Variants in EXOC6B observed in about 807,000 individuals in gnomAD.
EXOC6B encodes the protein exocyst complex component 6B, also known as SEC15 homolog B.
A neutral mutation model predicts 113.5 loss-of-function variants in EXOC6B; 54 were observed. That is an observed-to-expected ratio of 0.48 (90% CI 0.38 to 0.60). The LOEUF is 0.60. EXOC6B is among the 20% of genes least tolerant of loss of function. The pLI is 0.00. For synonymous variants in EXOC6B, 357 were observed against 339.0 expected (o/e 1.05, Z -0.58); for missense variants, 797 against 977.5 (o/e 0.82, Z 2.46).
chr2:72,199,618 C>A (rs1294770842), intron 20 of EXOC6B, among the ~76,000 whole-genome samples: 1 of 152,184 alleles, frequency 6.6e-6, no homozygotes, highest in Admixed American at 6.5e-5. Context: ...CATTCCCCAT[C>A]ACCATGAATA....
intron 6 of EXOC6B, among the ~76,000 whole-genome samples, chr2:72,708,896 A>ATTTTTTTTTTTTTTTTTTT (rs1159794341): frequency 1.4e-5 from 1 of 69,790 alleles, no homozygotes; most frequent in Non-Finnish European, 2.5e-5. Flanking sequence ...CATCCAGCTA[A>ATTTTTTTTTTTTTTTTTTT]TTTTTTTTTT....
chr2:72,693,095 G>T (rs1289028811), intron 6 of EXOC6B, among the ~76,000 whole-genome samples: 1 of 152,080 alleles, frequency 6.6e-6, no homozygotes, highest in African/African-American at 2.4e-5. Context: ...CTCAAAAATG[G>T]TAGGCAAACA....
intron 18 of EXOC6B, among the ~76,000 whole-genome samples, chr2:72,437,856 T>G (rs1282598411): frequency 6.6e-6 from 1 of 152,184 alleles, no homozygotes; most frequent in Non-Finnish European, 1.5e-5. Flanking sequence ...GTAAATCTAT[T>G]TAGCAATATA....
At chr2:72,435,243 T>C (rs1463280839) in intron 18 of EXOC6B, among the ~76,000 whole-genome samples, 1 of 152,216 alleles carries the variant, frequency 6.6e-6, no homozygotes, top group Non-Finnish European at 1.5e-5. Flanking sequence ...TCCTGAGTTC[T>C]AATTTGATTG....
chr2:72,410,998 CAA>C (rs1429295047), intron 18 of EXOC6B, among the ~76,000 whole-genome samples: 2 of 152,136 alleles, frequency 1.3e-5, no homozygotes, highest in Non-Finnish European at 2.9e-5. Context: ...AGCCTGAGCT[CAA>C]GAGTTCAAGA....
At chr2:72,745,039 C>T (rs1406492831) in intron 1 of EXOC6B, among the ~76,000 whole-genome samples, 1 of 152,162 alleles carries the variant, frequency 6.6e-6, no homozygotes, top group African/African-American at 2.4e-5. Context: ...CAATCAATTA[C>T]AATTCTCTTA....
At chr2:72,275,375 C>A (rs533357921) in intron 20 of EXOC6B, among the ~76,000 whole-genome samples, 2 of 152,236 alleles carry the variant, frequency 1.3e-5, no homozygotes, top group South Asian at 4.1e-4. Context: ...CTTCATGGCT[C>A]ACAGCTGGTA....
At chr2:72,681,768 A>G (rs1676719890) in intron 6 of EXOC6B, among the ~76,000 whole-genome samples, 1 of 152,164 alleles carries the variant, frequency 6.6e-6, no homozygotes, top group Non-Finnish European at 1.5e-5. Context: ...AGATGGCAGT[A>G]TAGTTGGTAA....
intron 6 of EXOC6B, among the ~76,000 whole-genome samples, chr2:72,577,970 C>T (rs1468650692): frequency 6.6e-6 from 1 of 152,068 alleles, no homozygotes; most frequent in African/African-American, 2.4e-5. Context: ...AATTTTTACA[C>T]ACTTAACCAC....
chr2:72,821,184 C>T (rs927326999), intron 1 of EXOC6B, among the ~76,000 whole-genome samples: 5 of 151,998 alleles, frequency 3.3e-5, no homozygotes, highest in Admixed American at 2.0e-4. Flanking sequence ...AATTTAAAAA[C>T]GGGCAAAGGA....
intron 20 of EXOC6B, among the ~76,000 whole-genome samples, chr2:72,286,505 T>A (rs975219431): frequency 6.6e-6 from 1 of 152,120 alleles, no homozygotes; most frequent in Non-Finnish European, 1.5e-5. Flanking sequence ...AAGAAGGGAA[T>A]GAAGAGGTGG....
rs1558638440 is a variant in EXOC6B at position 72,407,652 on chromosome 2, C to CA, written c.1981-27783dup. Among the ~76,000 whole-genome samples the CA allele has an allele frequency of 3.3e-5, 5 of 152,134 alleles. No individual in the cohort carries two copies. The South Asian group carries it at 8.3e-4, about 25-fold the overall frequency. ...CAATAGATGCAGAAAAGGCCTTTGA[C>CA]AAAATTCAACAGCCCTTCATGCTAA... is the stretch of plus-strand genomic sequence containing the variant. On this transcript the variant is annotated intron_variant, in intron 18 of 21. Coordinates refer to ENST00000272427, the MANE Select transcript of EXOC6B (RefSeq NM_015189.3).
chr2:72,202,967 G>A (rs552876410), intron 20 of EXOC6B, among the ~76,000 whole-genome samples: 1 of 152,294 alleles, frequency 6.6e-6, no homozygotes, highest in African/African-American at 2.4e-5. Context: ...CCTAAGAGCC[G>A]GCCAGTTCAC....
chr2:72,299,278 G>T (rs1276289423), intron 20 of EXOC6B, among the ~76,000 whole-genome samples: 1 of 150,894 alleles, frequency 6.6e-6, no homozygotes, highest in Non-Finnish European at 1.5e-5. Flanking sequence ...GATCAATTCG[G>T]CTATTGATAC....
At chr2:72,402,880 C>T (rs778436662) in intron 18 of EXOC6B, among the ~76,000 whole-genome samples, 1 of 152,112 alleles carries the variant, frequency 6.6e-6, no homozygotes, top group Non-Finnish European at 1.5e-5. Flanking sequence ...GATGATCATA[C>T]AGTCTCTGTT....
chr2:72,189,973 C>A (rs527560303), intron 20 of EXOC6B, among the ~76,000 whole-genome samples: 1 of 149,772 alleles, frequency 6.7e-6, no homozygotes, highest in African/African-American at 2.5e-5. Context: ...CTCAGCCTCC[C>A]GAGTAGCTGG....
At chr2:72,445,182 T>C (rs1263524087) in intron 18 of EXOC6B, among the ~76,000 whole-genome samples, 1 of 152,158 alleles carries the variant, frequency 6.6e-6, no homozygotes, top group African/African-American at 2.4e-5. Flanking sequence ...ATGCCACCAG[T>C]CTCTTTGCTA....
intron 6 of EXOC6B, among the ~76,000 whole-genome samples, chr2:72,657,320 G>A (rs1030823180): frequency 6.8e-6 from 1 of 147,326 alleles, no homozygotes; most frequent in Non-Finnish European, 1.5e-5. Context: ...CTGCCTCTCA[G>A]GTTCAAGCAA....
intron 19 of EXOC6B, among the ~76,000 whole-genome samples, chr2:72,350,954 C>A (rs975720432): frequency 1.2e-4 from 19 of 152,154 alleles, no homozygotes; most frequent in African/African-American, 3.9e-4. Flanking sequence ...AAAGCCCTCA[C>A]AAATGCTTTT....
Sources: gnomAD v4.1 joint callset for allele counts (sites outside exome capture counted in the v4.1 genomes callset) on GRCh38, gnomAD v4.1.1 for gene constraint, MANE v1.5 for transcripts, NCBI Gene and HGNC (gene_info 2026-07-23, HGNC 2026-07-21) for gene names.